Variants in UGGT1 observed in about 807,000 individuals in gnomAD.
The protein encoded by UGGT1 is UDP-glucose:glycoprotein glucosyltransferase 1.
In UGGT1, 107 loss-of-function variants were observed where a neutral mutation model predicts 203.9. That is an observed-to-expected ratio of 0.52 (90% CI 0.45 to 0.62). The LOEUF is 0.62. Among genes scored for constraint, UGGT1 ranks in the 20% least tolerant of loss-of-function variants. The pLI is 0.00. For synonymous variants in UGGT1, 628 were observed against 653.5 expected (o/e 0.96, Z 0.59); for missense variants, 1,673 against 1,867.2 (o/e 0.90, Z 1.92).
intron 40 of UGGT1, 62 bp from the exon 41 acceptor site, chr2:128,189,655 T>A: frequency 6.4e-7 from 1 of 1,561,232 alleles, no homozygotes; most frequent in Non-Finnish European, 8.8e-7. Flanking sequence ...AAATGCCCAC[T>A]CAGTGGTGTT....
chr2:128,142,938 C>G (rs2105457075), intron 16 of UGGT1, among the ~76,000 whole-genome samples, 156 bp from the exon 17 acceptor site: 1 of 151,714 alleles, frequency 6.6e-6, no homozygotes. Context: ...CGAGATTGTG[C>G]CATTGCACTC....
At chr2:128,115,048 T>C in intron 6 of UGGT1, 76 bp from the exon 7 acceptor site, 2 of 1,329,912 alleles carry the variant, frequency 1.5e-6, no homozygotes, top group Non-Finnish European at 2.2e-6. Context: ...GATGCAACAT[T>C]AACATGGTCA....
rs1284915764 is a variant in UGGT1, at chr2:128,115,187, G to A, written c.760G>A (p.Glu254Lys). 1.9e-6 allele frequency: 3 copies of A among 1,613,926 alleles called. No homozygotes were observed. The highest frequency in any genetic ancestry group is 2.5e-6 in the Non-Finnish European group (3 of 1,179,968). Reference protein sequence around the residue: ...YGVELAIKSTEYKAKDDTQVK... With the variant: ...YGVELAIKSTKYKAKDDTQVK... ...CGTGGAATTGGCCATTAAGAGCACTGAGTACAAGGCCAAGGATGATACTCA... is the reference window on the plus strand; with the variant it reads ...CGTGGAATTGGCCATTAAGAGCACTAAGTACAAGGCCAAGGATGATACTCA... The change falls in exon 7 of 41, where the codon GAG (glutamate) becomes AAG (lysine). Residue 254 changes from glutamate (E) to lysine (K), a missense_variant. By Grantham distance (56) the Glu-to-Lys change is moderately conservative. Transcript: ENST00000259253.
intron 1 of UGGT1, among the ~76,000 whole-genome samples, chr2:128,092,886 G>A (rs950622036): frequency 2.6e-5 from 4 of 152,052 alleles, no homozygotes; most frequent in Non-Finnish European, 5.9e-5. Flanking sequence ...CATGCCGCAA[G>A]TATAATGCTT....
In UGGT1 at chr2:128,154,058, T is replaced by TACACACACACAC. The variant is rs768281875; in HGVS notation, c.2137+1155_2137+1156insCACACACACACA. Among the ~76,000 whole-genome samples the TACACACACACAC allele has an allele frequency of 1.1e-3, 92 of 86,908 alleles. No homozygotes were observed. In the Middle Eastern group the frequency reaches 0.015, roughly 14 times the overall value. The allele number at this position is 86,908 out of a possible 152,430, so 57.0% of individuals were successfully genotyped here. A position where few individuals can be genotyped will look rare whatever the true frequency, so the allele number is the denominator to read the frequency against. ...TAGGTAGAGGAAAAATACATGTATA[T>TACACACACACAC]ATACACACACACACACACACACACA... On this transcript the variant is annotated intron_variant, in intron 19 of 40. Coordinates refer to ENST00000259253, the MANE Select transcript of UGGT1 (RefSeq NM_020120.4).
At chr2:128,187,394 T>C in intron 39 of UGGT1, 55 bp from the exon 40 acceptor site, 4 of 1,569,038 alleles carry the variant, frequency 2.5e-6, no homozygotes, top group Non-Finnish European at 2.6e-6. Flanking sequence ...CTTTGAATTC[T>C]CTATCATGTG....
intron 34 of UGGT1, 77 bp from the exon 35 acceptor site, chr2:128,179,709 T>C (rs1691585110): frequency 7.9e-7 from 1 of 1,258,194 alleles, no homozygotes; most frequent in Non-Finnish European, 1.1e-6. Context: ...TTTAGGTGTC[T>C]CGTGATTGAC....
At chr2:128,152,519 C>G (rs1461677817) in intron 18 of UGGT1, among the ~76,000 whole-genome samples, 1 of 152,124 alleles carries the variant, frequency 6.6e-6, no homozygotes, top group African/African-American at 2.4e-5. Flanking sequence ...GTTATTTAAC[C>G]TTTCTGTGCC....
rs149605444 is a variant in UGGT1, at chr2:128,113,210, A to G, written c.648A>G (p.Ser216=). 8.2e-4 allele frequency: 1,329 copies of G among 1,612,794 alleles called. 7 individuals are homozygous for G. In the African/African-American group the frequency reaches 0.015, roughly 18 times the overall value. Residue 216 remains serine (S), a synonymous_variant, in exon 6 of 41, where the codon TCA becomes TCG. Transcript: ENST00000259253. ...CCAATTTTCACCGCCAGCTTATATC[A>G]AAAAGCAATGCAGGCAAAATCAATT... is the stretch of plus-strand genomic sequence containing the variant. ...EFSNFHRQLI[S]KSNAGKINYV...
intron 18 of UGGT1, 98 bp from the exon 19 acceptor site, chr2:128,152,686 G>A (rs1690030235): frequency 6.1e-6 from 9 of 1,474,058 alleles, no homozygotes; most frequent in Non-Finnish European, 8.2e-6. Context: ...CACAGAGGAA[G>A]CCATTTATAA....
rs953072698 is a variant in UGGT1, at chr2:128,192,413, G to A, written c.*2671G>A. 1.3e-5 allele frequency: 2 copies of A among 152,064 alleles called. No individual in the cohort carries two copies. Among genetic ancestry groups the A allele is most frequent in the Non-Finnish European group, 2.9e-5 (2 of 68,020 alleles). 9.4% of individuals were successfully genotyped at this position (152,064 alleles called of 1,614,324 possible). On this transcript the variant is annotated 3_prime_UTR_variant, in exon 41 of 41. Coordinates refer to ENST00000259253, the MANE Select transcript of UGGT1 (RefSeq NM_020120.4). ...AGGTAAGATATTTTTTTCCCAAGAA[G>A]TAAGAATTGATTGTGCTGAATGTTC...
intron 3 of UGGT1, among the ~76,000 whole-genome samples, chr2:128,105,228 A>C (rs1478551240): frequency 6.6e-6 from 1 of 151,202 alleles, no homozygotes; most frequent in Non-Finnish European, 1.5e-5. Flanking sequence ...AATAATTCAT[A>C]TTTTAAAAAT....
rs5834199 is a variant in UGGT1 at position 128,163,373 on chromosome 2, G to GT, written c.2826-1339dup. Among the ~76,000 whole-genome samples, 741 of 114,112 alleles carry GT rather than the reference G, an allele frequency of 6.5e-3. 10 individuals carry two copies. The highest frequency in any genetic ancestry group is 0.026 in the Middle Eastern group (6 of 234). 74.9% of individuals were successfully genotyped at this position (114,112 alleles called of 152,430 possible). A position where few individuals can be genotyped will look rare whatever the true frequency, so the allele number is the denominator to read the frequency against. On this transcript the variant is annotated intron_variant, in intron 25 of 40. Coordinates refer to ENST00000259253, the MANE Select transcript of UGGT1 (RefSeq NM_020120.4). ...AGTCTTTGGTTCAGCAAATTGGAGT[G>GT]TTTTTTTTTTTTTTTTTTCAGGTTT...
At chr2:128,155,903 T>C (rs2104723121) in intron 20 of UGGT1, among the ~76,000 whole-genome samples, 1 of 152,340 alleles carries the variant, frequency 6.6e-6, no homozygotes, top group Non-Finnish European at 1.5e-5. Context: ...AATGGGTTAA[T>C]GAATTAAAAA....
rs1692345455 is a variant in UGGT1, at chr2:128,193,112, G to T, written c.*3370G>T. 1 of 142,314 alleles carries T rather than the reference G, an allele frequency of 7.0e-6. No homozygotes were observed. The highest frequency in any genetic ancestry group is 2.6e-5 in the African/African-American group (1 of 38,380). 8.8% of individuals were successfully genotyped at this position (142,314 alleles called of 1,614,324 possible). On this transcript the variant is annotated 3_prime_UTR_variant, in exon 41 of 41. Coordinates refer to ENST00000259253, the MANE Select transcript of UGGT1 (RefSeq NM_020120.4). ...GAATCACTTGAACCCGGGAGGTGGA[G>T]GTTGCAGTGAGCCGAGATCATGCCA...
chr2:128,147,077 C>T (rs1051484901), intron 18 of UGGT1, among the ~76,000 whole-genome samples: 1 of 152,220 alleles, frequency 6.6e-6, no homozygotes, highest in Non-Finnish European at 1.5e-5. Flanking sequence ...TTAGAGTTTA[C>T]ATCCCAGAAA....
chr2:128,169,309 T>C (rs1449266509), intron 26 of UGGT1, among the ~76,000 whole-genome samples: 2 of 152,116 alleles, frequency 1.3e-5, no homozygotes, highest in Non-Finnish European at 2.9e-5. Context: ...AGTTAGAGGC[T>C]TCAGTGAACC....
intron 13 of UGGT1, among the ~76,000 whole-genome samples, chr2:128,130,477 T>G (rs1302769665): frequency 6.6e-6 from 1 of 152,202 alleles, no homozygotes; most frequent in African/African-American, 2.4e-5. Flanking sequence ...AAGACATTGT[T>G]AATGTCATTT....
chr2:128,118,518 G>T (rs1162139080), intron 8 of UGGT1, among the ~76,000 whole-genome samples: 1 of 152,166 alleles, frequency 6.6e-6, no homozygotes, highest in Non-Finnish European at 1.5e-5. Context: ...TCCTGCCTTG[G>T]CTTCCCAAAG....
Sources: gnomAD v4.1 joint callset for allele counts (sites outside exome capture counted in the v4.1 genomes callset) on GRCh38, gnomAD v4.1.1 for gene constraint, MANE v1.5 for transcripts, NCBI Gene and HGNC (gene_info 2026-07-23, HGNC 2026-07-21) for gene names.